Variants in PDE4D observed in about 807,000 individuals in gnomAD.
The protein encoded by PDE4D is phosphodiesterase 4D.
A neutral mutation model predicts 87.4 loss-of-function variants in PDE4D; 24 were observed. The ratio of observed to expected loss-of-function variants is 0.27; its 90% CI spans 0.20 to 0.39. The LOEUF (loss-of-function observed/expected upper bound fraction) is 0.39. PDE4D is among the 10% of genes least tolerant of loss of function. PDE4D has a pLI of 1.00. For synonymous variants in PDE4D, 384 were observed against 383.2 expected, an observed-to-expected ratio of 1.00 and a Z score of -0.02; for missense variants, 714 against 1,041.0, an observed-to-expected ratio of 0.69 and a Z score of 4.32.
intron 1 of PDE4D, among the ~76,000 whole-genome samples, chr5:59,797,343 G>A (rs556246234): frequency 3.9e-4 from 60 of 152,324 alleles, no homozygotes; most frequent in Non-Finnish European, 5.9e-4. Flanking sequence ...TGCACTAAGA[G>A]GATCTCAGGA....
At chr5:59,180,401 A>G (rs1741238109) in intron 5 of PDE4D, 194 bp downstream of exon 5, 1 of 711,802 alleles carries the variant, frequency 1.4e-6, no homozygotes, top group Non-Finnish European at 2.6e-6. Context: ...TAAAAAACGT[A>G]AATCGGTAAA....
intron 1 of PDE4D, among the ~76,000 whole-genome samples, chr5:59,658,103 C>T (rs1199134620): frequency 1.3e-5 from 2 of 151,274 alleles, no homozygotes; most frequent in East Asian, 3.8e-4. Flanking sequence ...TAGAAAGCAA[C>T]GTAAAAAAGA....
intron 1 of PDE4D, chr5:59,587,328 TTTTC>T: frequency 9.3e-6 from 5 of 538,514 alleles, no homozygotes; most frequent in Non-Finnish European, 1.2e-5. Flanking sequence ...GATGTCTTTC[TTTTC>T]TTTTTTTTCC....
At chr5:60,019,897 T>TA (rs1561986539) in intron 2 of PDE4D, among the ~76,000 whole-genome samples, 1 of 152,156 alleles carries the variant, frequency 6.6e-6, no homozygotes, top group Non-Finnish European at 1.5e-5. Context: ...ACTTTTATTT[T>TA]TTTTTTTTGC....
intron 1 of PDE4D, among the ~76,000 whole-genome samples, chr5:59,378,705 G>A (rs752328100): frequency 6.6e-6 from 1 of 152,104 alleles, no homozygotes; most frequent in Non-Finnish European, 1.5e-5. Flanking sequence ...AGGAAAAGCT[G>A]GGCTGAAACT....
chr5:59,966,202 T>C (rs928065127), intron 3 of PDE4D, among the ~76,000 whole-genome samples: 3 of 152,186 alleles, frequency 2.0e-5, no homozygotes, highest in Admixed American at 1.3e-4. Context: ...AACATCTCTC[T>C]ACTTGAGGAT....
rs1561663819 is a variant in PDE4D, at chr5:59,189,258, T to TTTTTG, written c.685-3997_685-3996insCAAAA. 8.3e-5 allele frequency among the ~76,000 whole-genome samples: 12 copies of TTTTTG among 145,130 alleles called. No individual in the cohort carries two copies. In the East Asian group the frequency reaches 2.4e-3, roughly 29 times the overall value. The stretch of plus-strand genomic sequence containing the variant: ...TTTTTTTTTTTGTTTTTTTTGTTTT[T>TTTTTG]TTTTTTTTGAGACGGAGTTTTGCTC... On this transcript the variant is annotated intron_variant, in intron 3 of 14. Coordinates refer to ENST00000340635, the MANE Select transcript of PDE4D (RefSeq NM_001104631.2).
chr5:60,230,722 G>T (rs1745709688), intron 1 of PDE4D, among the ~76,000 whole-genome samples: 1 of 152,074 alleles, frequency 6.6e-6, no homozygotes, highest in South Asian at 2.1e-4. Flanking sequence ...TAGACTAAAT[G>T]AATATGATGA....
chr5:59,803,392 G>C (rs760245776), intron 1 of PDE4D, among the ~76,000 whole-genome samples: 1 of 149,368 alleles, frequency 6.7e-6, no homozygotes, highest in East Asian at 2.0e-4. Context: ...TCCGCCCCCC[G>C]GGTTCAAGCG....
intron 1 of PDE4D, among the ~76,000 whole-genome samples, chr5:60,224,172 C>T (rs1744824823): frequency 6.6e-6 from 1 of 152,062 alleles, no homozygotes; most frequent in South Asian, 2.1e-4. Flanking sequence ...GTAGATATTG[C>T]ATAATTACAA....
intron 1 of PDE4D, chr5:59,430,564 C>T (rs1012132520): frequency 2.2e-5 from 11 of 494,814 alleles, no homozygotes; most frequent in Admixed American, 1.8e-4. Flanking sequence ...AAAGTAAACG[C>T]GTGTTTCTCG....
intron 1 of PDE4D, among the ~76,000 whole-genome samples, chr5:59,597,864 C>T (rs563468089): frequency 6.6e-6 from 1 of 152,260 alleles, no homozygotes; most frequent in African/African-American, 2.4e-5. Context: ...GCATTTTACA[C>T]ACTCTTCCTT....
intron 1 of PDE4D, among the ~76,000 whole-genome samples, chr5:59,267,081 C>A (rs1398235260): frequency 6.6e-6 from 1 of 152,016 alleles, no homozygotes; most frequent in Non-Finnish European, 1.5e-5. Flanking sequence ...GACTATAGAC[C>A]TAGAAGCTGC....
chr5:60,011,444 A>G (rs1398261695), intron 2 of PDE4D, among the ~76,000 whole-genome samples: 1 of 152,148 alleles, frequency 6.6e-6, no homozygotes, highest in Non-Finnish European at 1.5e-5. Context: ...TCTGGTTAAA[A>G]ATGACTGTTA....
intron 1 of PDE4D, among the ~76,000 whole-genome samples, chr5:60,501,784 G>T (rs1205819909): frequency 1.3e-5 from 2 of 152,156 alleles, no homozygotes; most frequent in Non-Finnish European, 2.9e-5. Flanking sequence ...TGTTTTTTTG[G>T]TGGCATAAAT....
rs112522685 is a variant in PDE4D, at chr5:59,089,333, G to A, written c.809-50362C>T. Among the ~76,000 whole-genome samples, 483 of 152,194 alleles carry A rather than the reference G, an allele frequency of 3.2e-3. 1 individual carries two copies. The highest frequency in any genetic ancestry group is 0.011 in the African/African-American group (471 of 41,526). ...AGGAAACTAATTGGTATCAATTTTA[G>A]TTGACATTATATGTTAGTTTTATAA... On this transcript the variant is annotated intron_variant, in intron 5 of 14. Transcript: ENST00000340635.
Position 59,893,316 on chromosome 5 carries a change from G to T in PDE4D, c.307C>A (p.Arg103Ser). ...GRYASSGATG[R>S]VRHRGYSDTE... ...TCCGAGTAGCCGCGATGCCGGACGC[G>T]GCCGGTGGCCCCGCTCGAGGCGTAG... is the stretch of plus-strand genomic sequence containing the variant. The change falls in exon 1 of 15, where the codon CGC becomes AGC. Residue 103 changes from arginine (R) to serine (S), a missense_variant. Physicochemically the swap from Arg to Ser is moderately radical, Grantham distance 110 (BLOSUM62 -1). Transcript: ENST00000340635. 1.3e-6 allele frequency: 2 copies of T among 1,525,094 alleles called. No individual in the cohort carries two copies. The highest frequency in any genetic ancestry group is 5.2e-5 in the East Asian group (2 of 38,100). 94.5% of individuals were successfully genotyped at this position (1,525,094 alleles called of 1,614,324 possible).
At chr5:60,330,207 A>G (rs1212675279) in intron 1 of PDE4D, among the ~76,000 whole-genome samples, 1 of 152,200 alleles carries the variant, frequency 6.6e-6, no homozygotes, top group East Asian at 1.9e-4. Context: ...TAATGACTCA[A>G]TTATGATGGC....
At chr5:59,879,897 C>T (rs980878382) in intron 1 of PDE4D, among the ~76,000 whole-genome samples, 14 of 152,238 alleles carry the variant, frequency 9.2e-5, no homozygotes, top group East Asian at 7.8e-4. Flanking sequence ...CACACCACCA[C>T]GTCCAGCTAA....
Sources: gnomAD v4.1 joint callset for allele counts (sites outside exome capture counted in the v4.1 genomes callset) on GRCh38, gnomAD v4.1.1 for gene constraint, MANE v1.5 for transcripts, NCBI Gene and HGNC (gene_info 2026-07-23, HGNC 2026-07-21) for gene names.